Variants in PLEC observed in about 807,000 individuals in gnomAD.
PLEC encodes the protein plectin.
A neutral mutation model predicts 392.8 loss-of-function variants in PLEC; 216 were observed. That is an observed-to-expected ratio of 0.55 (90% CI 0.49 to 0.62). The LOEUF is 0.62. Ranked by LOEUF, PLEC falls within the 20% of genes least tolerant of loss-of-function variation. The probability of loss-of-function intolerance (pLI) is 0.00; values close to 1 mark genes in which losing one functional copy is unlikely to be tolerated. For synonymous variants in PLEC, 3,621 were observed against 2,980.6 expected (o/e 1.21, Z -7.00); for missense variants, 6,863 against 6,563.4 (o/e 1.05, Z -1.58).
chr8:143,926,028 C>T, intron 30 of PLEC, 144 bp from the exon 31 acceptor site: 3 of 943,792 alleles, frequency 3.2e-6, no homozygotes, highest in Non-Finnish European at 3.3e-6. Context: ...GCGGAGGAGA[C>T]AGCGTGCACC....
chr8:143,928,114 C>T lies in PLEC; in HGVS notation c.3261-122G>A, dbSNP rs1003068585. ...CAAGCCCAGACCCAACCCTGGGGGTCAGCTGACCCTGTGGTCAGAGGCTTG... is the reference window on the plus strand; with the variant it reads ...CAAGCCCAGACCCAACCCTGGGGGTTAGCTGACCCTGTGGTCAGAGGCTTG... On this transcript the variant is annotated intron_variant, in intron 25 of 31. Coordinates refer to ENST00000345136, the MANE Select transcript of PLEC (RefSeq NM_201384.3). The T allele has an allele frequency of 8.3e-5, 104 of 1,246,336 alleles. No homozygotes were observed. In the African/African-American group the frequency reaches 1.2e-3, roughly 14 times the overall value. 77.2% of individuals were successfully genotyped at this position (1,246,336 alleles called of 1,614,324 possible).
At chr8:143,937,306 G>A in intron 3 of PLEC, 64 bp from the exon 4 acceptor site, 3 of 1,223,146 alleles carry the variant, frequency 2.5e-6, no homozygotes, top group South Asian at 1.2e-5. Context: ...CCCTCAGCAT[G>A]CCCCAAAGCG....
At chr8:143,971,617 C>T (rs782641559) in intron 1 of PLEC, among the ~76,000 whole-genome samples, 5 of 152,184 alleles carry the variant, frequency 3.3e-5, no homozygotes, top group Non-Finnish European at 7.4e-5. Flanking sequence ...AGGTACCAGC[C>T]CAGCCCCTCC....
chr8:143,942,434 G>C (rs782329476), upstream of PLEC: 31 of 1,603,986 alleles, frequency 1.9e-5, no homozygotes, highest in East Asian at 8.9e-5. Context: ...CTGCGGGCCG[G>C]CTCGCAGCCC....
rs782018185 is a variant in PLEC, at chr8:143,920,849, A to ACCC, written c.8969_8971dup (p.Arg2990_Val2991insGly). 6.2e-7 allele frequency: 1 copy of ACCC among 1,609,190 alleles called. No individual in the cohort carries two copies. The highest frequency in any genetic ancestry group is 2.2e-5 in the East Asian group (1 of 44,844). On this transcript the variant is annotated inframe_insertion, in exon 32 of 32. Coordinates refer to ENST00000345136, the MANE Select transcript of PLEC (RefSeq NM_201384.3). ...CTGCTGGTAGAGCTCGCGGTCGATG[A>ACCC]CCCTGCTCTCCAGCAGCTCGGCGGC... is the stretch of plus-strand genomic sequence containing the variant.
At position 143,922,965 on chromosome 8, in the gene PLEC, C is replaced by T; in HGVS notation, c.6964G>A (p.Ala2322Thr). The T allele has an allele frequency of 6.8e-6, 11 of 1,610,856 alleles. No individual in the cohort carries two copies. Among genetic ancestry groups the T allele is most frequent in the South Asian group, 3.3e-5 (3 of 90,650 alleles). The change falls in exon 31 of 32, where the codon GCC becomes ACC. Residue 2322 changes from alanine to threonine, a missense_variant. Ala to Thr is a moderately conservative substitution (Grantham distance 58). Coordinates refer to ENST00000345136, the MANE Select transcript of PLEC (RefSeq NM_201384.3). ...TCCGCCTCAGCCTTGAGTCGCGTGG[C>T]CTCCTGCACCGCCTGCATCTTCTCC... is the stretch of plus-strand genomic sequence containing the variant. ...LKEKMQAVQE[A>T]TRLKAEAELL...
rs533757341 is a variant in PLEC, at chr8:143,917,438, C to T, written c.12383G>A (p.Arg4128Gln). 1.5e-5 allele frequency: 24 copies of T among 1,613,450 alleles called. No individual in the cohort carries two copies. The South Asian group carries it at 1.5e-4, about 10-fold the overall frequency. Residue 4128 changes from arginine (R) to glutamine (Q), a missense_variant, in exon 32 of 32, where the codon CGG (arginine) becomes CAG (glutamine). Arg to Gln is a conservative substitution (Grantham distance 43). Coordinates refer to ENST00000345136, the MANE Select transcript of PLEC (RefSeq NM_201384.3). ...LLPLKEKKRE[R>Q]KTSSKSSVRK... ...CACGGAGGACTTGGAGGACGTCTTC[C>T]GCTCCCGCTTCTTCTCCTTCAGCGG...
In PLEC at chr8:143,924,358, C is replaced by T. The variant is rs868943078; in HGVS notation, c.5571G>A (p.Lys1857=). The change falls in exon 31 of 32, where the codon AAG becomes AAA. Residue 1857 remains lysine (K), a synonymous_variant. Transcript: ENST00000345136. ...GGCGCTCGTTCTCCGCCTCCTTCTC[C>T]TTGAGCGCGATCTCCGCCTCCGTCT... is the stretch of plus-strand genomic sequence containing the variant. The part of the protein sequence containing the change: ...RLKTEAEIAL[K]EKEAENERLR... 2.1e-5 allele frequency: 33 copies of T among 1,596,982 alleles called. No homozygotes were observed. Among genetic ancestry groups the T allele is most frequent in the Non-Finnish European group, 2.8e-5 (33 of 1,178,762 alleles).
At chr8:143,949,553 C>G (rs1831883359) in intron 1 of PLEC, among the ~76,000 whole-genome samples, 1 of 152,178 alleles carries the variant, frequency 6.6e-6, no homozygotes, top group Non-Finnish European at 1.5e-5. Flanking sequence ...ATCTAGGCCC[C>G]AGGCTGGGCC....
rs968027123 is a variant in PLEC, at chr8:143,925,797, C to A, written c.4132G>T (p.Ala1378Ser). ...GCCTGTGCCTTTGCCTGGGCGTGCG[C>A]CTCGGCCAGCTGCCGCTGCTTCTCC... is the stretch of plus-strand genomic sequence containing the variant. Reference protein sequence around the residue: ...ALEKQRQLAEAHAQAKAQAER... With the variant: ...ALEKQRQLAESHAQAKAQAER... The change falls in exon 31 of 32, where the codon GCG becomes TCG. Residue 1378 changes from alanine (A) to serine (S), a missense_variant. By Grantham distance (99) the Ala-to-Ser change is moderately conservative (BLOSUM62 1). Transcript: ENST00000345136. 1.9e-6 allele frequency: 3 copies of A among 1,574,726 alleles called. No homozygotes were observed. Among genetic ancestry groups the A allele is most frequent in the Non-Finnish European group, 2.6e-6 (3 of 1,167,994 alleles).
chr8:143,943,630 A>G, upstream of PLEC: 1 of 728,422 alleles, frequency 1.4e-6, no homozygotes, highest in South Asian at 1.6e-5. Context: ...GTCAGGGTCT[A>G]CACTGCAGGG....
chr8:143,930,142 AC>A lies in PLEC; in HGVS notation c.2612+1del. The A allele has an allele frequency of 6.3e-7, 1 of 1,584,662 alleles. No individual in the cohort carries two copies. Among genetic ancestry groups the A allele is most frequent in the Non-Finnish European group, 8.5e-7 (1 of 1,171,344 alleles). ...CCCACCTGCTGAGCCCCCGCCACCC[AC>A]CTGGTGACGGCCTCCTGGGCCTCCT... On this transcript the variant is annotated splice_donor_variant, in intron 21 of 31. Coordinates refer to ENST00000345136, the MANE Select transcript of PLEC (RefSeq NM_201384.3). LOFTEE classifies it high-confidence loss of function.
intron 28 of PLEC, 80 bp downstream of exon 28, chr8:143,927,171 TG>T: frequency 6.4e-7 from 1 of 1,570,122 alleles, no homozygotes; most frequent in Non-Finnish European, 8.8e-7. Flanking sequence ...TTCCCTGGCA[TG>T]GCCCAGGCTC....
upstream of PLEC, chr8:143,953,983 C>T (rs969527473): frequency 8.0e-7 from 1 of 1,256,710 alleles, no homozygotes; most frequent in African/African-American, 1.6e-5. Context: ...TCCCCCCCAG[C>T]CTGTGGTTCT....
At chr8:143,942,572 C>T, upstream of PLEC, 2 of 1,486,856 alleles carry the variant, frequency 1.3e-6, no homozygotes. Context: ...AGCTGGACCG[C>T]GGCGGCGCCT....
chr8:143,920,659 G>T lies in PLEC; in HGVS notation c.9162C>A (p.Ala3054=). The T allele has an allele frequency of 6.2e-7, 1 of 1,604,128 alleles. No homozygotes were observed. The highest frequency in any genetic ancestry group is 8.5e-7 in the Non-Finnish European group (1 of 1,179,882). ...CGGCCTGGGCTTCCAACAGGGCCACGGCCATGTCGGATGGCAGCAGGTCTT... is the reference window on the plus strand; with the variant it reads ...CGGCCTGGGCTTCCAACAGGGCCACTGCCATGTCGGATGGCAGCAGGTCTT... ...LKKDLLPSDM[A]VALLEAQAGT... is the part of the protein sequence containing the mutation. The change falls in exon 32 of 32, where the codon GCC becomes GCA. Residue 3054 remains alanine, a synonymous_variant. Coordinates refer to ENST00000345136, the MANE Select transcript of PLEC (RefSeq NM_201384.3).
At position 143,937,042 on chromosome 8, in the gene PLEC, GTCA is replaced by G; in HGVS notation, c.369_371del (p.Asp124del). 6.2e-7 allele frequency: 1 copy of G among 1,613,072 alleles called. No homozygotes were observed. The highest frequency in any genetic ancestry group is 8.5e-7 in the Non-Finnish European group (1 of 1,179,766). ...TCAGCTTGGGGTTGCCGTCAGCGAT[GTCA>G]TCATTCCTGATGTTCACCAGCTTCA... is the stretch of plus-strand genomic sequence containing the variant. On this transcript the variant is annotated inframe_deletion, in exon 5 of 32. Coordinates refer to ENST00000345136, the MANE Select transcript of PLEC (RefSeq NM_201384.3).
At chr8:143,939,711 C>A, upstream of PLEC, 1 of 1,277,044 alleles carries the variant, frequency 7.8e-7, no homozygotes, top group Non-Finnish European at 1.0e-6. Context: ...CGGGAAGGAG[C>A]AAGCAGCCCC....
Position 143,935,060 on chromosome 8 carries a change from T to C in PLEC, c.776A>G (p.Tyr259Cys). ...KSIITYVSSL[Y>C]DAMPRVPDVQ... ...GTCCGGCACGCGGGGCATGGCGTCATACAGCGACGAGACGTAGGTGATGAT... is the reference window on the plus strand; with the variant it reads ...GTCCGGCACGCGGGGCATGGCGTCACACAGCGACGAGACGTAGGTGATGAT... Residue 259 changes from tyrosine to cysteine, a missense_variant, in exon 8 of 32, where the codon TAT (tyrosine) becomes TGT (cysteine). Tyr to Cys is a radical substitution (Grantham distance 194). Coordinates refer to ENST00000345136, the MANE Select transcript of PLEC (RefSeq NM_201384.3). 5 of 1,612,790 alleles carry C rather than the reference T, an allele frequency of 3.1e-6. No homozygotes were observed. The highest frequency in any genetic ancestry group is 4.2e-6 in the Non-Finnish European group (5 of 1,179,926).
Sources: gnomAD v4.1 joint callset for allele counts (sites outside exome capture counted in the v4.1 genomes callset) on GRCh38, gnomAD v4.1.1 for gene constraint, MANE v1.5 for transcripts, NCBI Gene and HGNC (gene_info 2026-07-23, HGNC 2026-07-21) for gene names.